NAP1L4: variants seen among roughly 807,000 people sequenced by gnomAD.
NAP1L4 encodes nucleosome assembly protein 1 like 4, also known as nucleosome assembly protein 1-like 4.
Under a neutral mutation model 58.2 loss-of-function variants are expected in NAP1L4, and 15 were observed. The observed-to-expected ratio is 0.26, with a 90% confidence interval of 0.17 to 0.40. The LOEUF (loss-of-function observed/expected upper bound fraction) is 0.40, where lower values mean the gene tolerates loss of function less well. Among genes scored for constraint, NAP1L4 ranks in the 10% least tolerant of loss-of-function variants. NAP1L4 has a pLI of 1.00. For missense variants in NAP1L4, 384 were observed against 451.1 expected (o/e 0.85, Z 1.35); for synonymous variants, 171 against 155.6 (o/e 1.10, Z -0.74).
intron 8 of NAP1L4, 114 bp from the exon 9 acceptor site, chr11:2,960,023 G>T: frequency 9.0e-7 from 1 of 1,109,394 alleles, no homozygotes; most frequent in Non-Finnish European, 1.3e-6. Context: ...CAACAGATAG[G>T]GCCATGAACA....
Position 2,950,153 on chromosome 11 carries a change from C to A in NAP1L4, c.1123-889G>T, listed in dbSNP as rs1846149080. Among the ~76,000 whole-genome samples the A allele has an allele frequency of 2.0e-5, 3 of 152,138 alleles. No individual in the cohort carries two copies. The South Asian group carries it at 6.2e-4, about 31-fold the overall frequency. On this transcript the variant is annotated intron_variant, in intron 14 of 15. Coordinates refer to ENST00000380542, the MANE Select transcript of NAP1L4 (RefSeq NM_005969.4). ...CAAGGCAGACCCAGGCCTTGGTCTC[C>A]TACAGCCCTCACCGCCCACCACCAC...
At chr11:2,972,574 G>T (rs1302845138) in intron 4 of NAP1L4, among the ~76,000 whole-genome samples, 1 of 152,166 alleles carries the variant, frequency 6.6e-6, no homozygotes, top group Non-Finnish European at 1.5e-5. Flanking sequence ...AAAACACCCA[G>T]GTTTTACGAG....
chr11:2,988,899 T>G (rs527829110), intron 1 of NAP1L4, among the ~76,000 whole-genome samples: 5 of 152,314 alleles, frequency 3.3e-5, no homozygotes, highest in African/African-American at 1.2e-4. Flanking sequence ...AATGTAAAGC[T>G]CTGGCAAACA....
At chr11:2,962,521 G>A (rs914962666) in intron 8 of NAP1L4, among the ~76,000 whole-genome samples, 21 of 152,200 alleles carry the variant, frequency 1.4e-4, no homozygotes, top group African/African-American at 5.1e-4. Context: ...AAATGCATTA[G>A]ACGCTTCATA....
intron 4 of NAP1L4, among the ~76,000 whole-genome samples, chr11:2,975,430 T>C (rs1486243278): frequency 1.3e-5 from 2 of 152,032 alleles, no homozygotes; most frequent in Non-Finnish European, 2.9e-5. Context: ...CATAGGCCTC[T>C]CTTAAGAAAG....
chr11:2,951,204 A>G lies in NAP1L4; in HGVS notation c.1122+55T>C. 1 of 1,392,600 alleles carries G rather than the reference A, an allele frequency of 7.2e-7. No individual in the cohort carries two copies. The highest frequency in any genetic ancestry group is 1.0e-6 in the Non-Finnish European group (1 of 989,632). The allele number at this position is 1,392,600 out of a possible 1,614,324, so 86.3% of individuals were successfully genotyped here. On this transcript the variant is annotated intron_variant, in intron 14 of 15. Transcript: ENST00000380542. This position sits in a 1 kb window ranked among gnomAD's most constrained non-coding sequence, Gnocchi z 4.0. ...TGCCTCAAAGTGGGGAACATTTTTAAAAGTCTAAGAGTGCAGCATAATAAG... is the reference window on the plus strand; with the variant it reads ...TGCCTCAAAGTGGGGAACATTTTTAGAAGTCTAAGAGTGCAGCATAATAAG...
intron 8 of NAP1L4, 146 bp from the exon 9 acceptor site, chr11:2,960,055 A>G (rs546840595): frequency 1.3e-6 from 1 of 789,990 alleles, no homozygotes; most frequent in African/African-American, 1.7e-5. Flanking sequence ...TCCACCGCAA[A>G]AAAGACTAGC....
intron 1 of NAP1L4, among the ~76,000 whole-genome samples, chr11:2,986,945 C>A (rs1848671129): frequency 6.6e-6 from 1 of 151,770 alleles, no homozygotes; most frequent in Admixed American, 6.5e-5. Flanking sequence ...TTCTAAAGCA[C>A]AATTGCTTGG....
At chr11:2,976,395 G>A (rs546326578) in intron 3 of NAP1L4, among the ~76,000 whole-genome samples, 1 of 152,320 alleles carries the variant, frequency 6.6e-6, no homozygotes, top group Admixed American at 6.5e-5. Flanking sequence ...GACTGTGGCT[G>A]TTTAAGCACC....
intron 1 of NAP1L4, among the ~76,000 whole-genome samples, chr11:2,983,320 AAATGATTCACTC>A (rs1178016967): frequency 6.6e-6 from 1 of 152,198 alleles, no homozygotes; most frequent in Non-Finnish European, 1.5e-5. Flanking sequence ...TCCATTGATA[AAATGATTCACTC>A]AATTTTCATT....
chr11:2,972,027 A>G, intron 5 of NAP1L4, 75 bp downstream of exon 5: 1 of 1,408,600 alleles, frequency 7.1e-7, no homozygotes, highest in Non-Finnish European at 9.4e-7. Flanking sequence ...TTGTCAACTT[A>G]TAATGGGTTT....
intron 1 of NAP1L4, among the ~76,000 whole-genome samples, chr11:2,986,623 T>TA (rs1554955480): frequency 1.0e-5 from 1 of 100,490 alleles, no homozygotes; most frequent in African/African-American, 4.5e-5. Flanking sequence ...GGGATGGTAG[T>TA]AAATTTTTTT....
In NAP1L4 at chr11:2,954,785, C is replaced by T. The variant is rs779487592; in HGVS notation, c.916-139G>A. On this transcript the variant is annotated intron_variant, in intron 11 of 15. Transcript: ENST00000380542. This position sits in a 1 kb window ranked among gnomAD's most constrained non-coding sequence, Gnocchi z 4.8. ...AAACTCCTGCACTGCTGGGGGACAG[C>T]CACTAGACACTCAAAGCCCCTTTAA... is the stretch of plus-strand genomic sequence containing the variant. The T allele has an allele frequency of 1.4e-5, 15 of 1,074,316 alleles. No individual in the cohort carries two copies. Among genetic ancestry groups the T allele is most frequent in the Non-Finnish European group, 1.9e-5 (14 of 720,250 alleles). The allele number at this position is 1,074,316 out of a possible 1,614,324, so 66.5% of individuals were successfully genotyped here.
chr11:2,977,927 G>C (rs923851875), intron 3 of NAP1L4, among the ~76,000 whole-genome samples: 1 of 151,248 alleles, frequency 6.6e-6, no homozygotes, highest in Non-Finnish European at 1.5e-5. Flanking sequence ...CAACTACCTG[G>C]GAGGCTGCGG....
At chr11:2,966,481 C>T (rs935806461) in intron 7 of NAP1L4, among the ~76,000 whole-genome samples, 1 of 152,250 alleles carries the variant, frequency 6.6e-6, no homozygotes, top group East Asian at 1.9e-4. Context: ...TTCTCTGCTT[C>T]GGTGAGCTGT....
chr11:2,945,703 A>T lies in NAP1L4; in HGVS notation c.*33-57T>A, dbSNP rs1177089938. On this transcript the variant is annotated intron_variant, in intron 15 of 15. Coordinates refer to ENST00000380542, the MANE Select transcript of NAP1L4 (RefSeq NM_005969.4). ...GCAAAGCCAGCTCCATTCACCAATT[A>T]GCTCCAATCAACAATGAAAGCCAAG... 5.0e-6 allele frequency: 7 copies of T among 1,401,272 alleles called. No individual in the cohort carries two copies. In the African/African-American group the frequency reaches 1.0e-4, roughly 20 times the overall value. 86.8% of individuals were successfully genotyped at this position (1,401,272 alleles called of 1,614,324 possible). A position where few individuals can be genotyped will look rare whatever the true frequency, so the allele number is the denominator to read the frequency against.
rs1267869414 is a variant in NAP1L4, at chr11:2,954,393, C to G, written c.1035+134G>C. On this transcript the variant is annotated intron_variant, in intron 12 of 15. Coordinates refer to ENST00000380542, the MANE Select transcript of NAP1L4 (RefSeq NM_005969.4). The surrounding 1 kb of genome is among the most constrained non-coding windows in gnomAD (Gnocchi z 4.8). ...ATTCCCCCCACAACAAGGACAGCAG[C>G]TTGGACTACATATCTGGCTGATGAT... 3.2e-5 allele frequency: 41 copies of G among 1,283,412 alleles called. No individual in the cohort carries two copies. The highest frequency in any genetic ancestry group is 4.6e-5 in the Non-Finnish European group (41 of 899,154). 79.5% of individuals were successfully genotyped at this position (1,283,412 alleles called of 1,614,324 possible).
rs778089836 is a variant in NAP1L4, at chr11:2,955,697, A to T, written c.915+47T>A. On this transcript the variant is annotated intron_variant, in intron 11 of 15. Transcript: ENST00000380542. The surrounding 1 kb of genome is among the most constrained non-coding windows in gnomAD (Gnocchi z 4.2). ...CAAGTAGACAAGTAGACATTCACTC[A>T]GGAGAGACTTCAACAGGAAAATAAG... 6.3e-7 allele frequency: 1 copy of T among 1,585,330 alleles called. No individual in the cohort carries two copies. The highest frequency in any genetic ancestry group is 1.1e-5 in the South Asian group (1 of 90,194).
rs1846221889 is a variant in NAP1L4, at chr11:2,951,424, A to T, written c.1066-109T>A. 1.1e-6 allele frequency: 1 copy of T among 881,648 alleles called. No individual in the cohort carries two copies. The highest frequency in any genetic ancestry group is 1.7e-5 in the African/African-American group (1 of 60,366). The allele number at this position is 881,648 out of a possible 1,614,324, so 54.6% of individuals were successfully genotyped here. ...ACACTGCCTTAGATGGAAATCAATTACTGCTACCCACAAGTGACTCATCAC... is the reference window on the plus strand; with the variant it reads ...ACACTGCCTTAGATGGAAATCAATTTCTGCTACCCACAAGTGACTCATCAC... On this transcript the variant is annotated intron_variant, in intron 13 of 15. Transcript: ENST00000380542. The surrounding 1 kb of genome is among the most constrained non-coding windows in gnomAD (Gnocchi z 4.0).
Sources: gnomAD v4.1 joint callset for allele counts (sites outside exome capture counted in the v4.1 genomes callset) on GRCh38, gnomAD v4.1.1 for gene constraint, Gnocchi (gnomAD v3.1) non-coding constraint, MANE v1.5 for transcripts, NCBI Gene and HGNC (gene_info 2026-07-23, HGNC 2026-07-21) for gene names.